The following MAP6 variants were observed in gnomAD, a reference collection of about 807,000 sequenced individuals.
MAP6 encodes microtubule-associated protein 6.
A neutral mutation model predicts 42.4 loss-of-function variants in MAP6; 26 were observed. The ratio of observed to expected loss-of-function variants is 0.61; its 90% CI spans 0.45 to 0.85. MAP6 has a LOEUF of 0.85. Ranked by LOEUF, MAP6 falls within the 40% of genes least tolerant of loss-of-function variation. The probability of loss-of-function intolerance (pLI) is 0.00; values close to 1 mark genes in which losing one functional copy is unlikely to be tolerated. For missense variants in MAP6, 966 were observed against 1,099.0 expected, an observed-to-expected ratio of 0.88 and a Z score of 1.71; for synonymous variants, 418 against 443.8, an observed-to-expected ratio of 0.94 and a Z score of 0.73.
At chr11:75,628,276 G>C (rs529884244) in intron 1 of MAP6, among the ~76,000 whole-genome samples, 1 of 152,216 alleles carries the variant, frequency 6.6e-6, no homozygotes, top group African/African-American at 2.4e-5. Flanking sequence ...AGGATGCTGG[G>C]GGTGAGGAAG....
chr11:75,667,806 C>T lies in MAP6; in HGVS notation c.564G>A (p.Ala188=). 7.6e-7 allele frequency: 1 copy of T among 1,311,824 alleles called. No homozygotes were observed. The highest frequency in any genetic ancestry group is 9.7e-7 in the Non-Finnish European group (1 of 1,029,718). The allele number at this position is 1,311,824 out of a possible 1,614,324, so 81.3% of individuals were successfully genotyped here. The change falls in exon 1 of 4, where the codon GCG becomes GCA. Residue 188 remains alanine (A), a synonymous_variant. Coordinates refer to ENST00000304771, the MANE Select transcript of MAP6 (RefSeq NM_033063.2). This position sits in a 1 kb window ranked among gnomAD's most constrained non-coding sequence, Gnocchi z 5.6. ...VQISAASQAS[A]PILGAPKRRP... ...GGCGCTTGGGCGCCCCGAGAATGGGCGCCGACGCCTGGGAGGCCGCAGAGA... is the reference window on the plus strand; with the variant it reads ...GGCGCTTGGGCGCCCCGAGAATGGGTGCCGACGCCTGGGAGGCCGCAGAGA...
At chr11:75,639,063 CAT>C (rs1943417666) in intron 1 of MAP6, among the ~76,000 whole-genome samples, 1 of 152,216 alleles carries the variant, frequency 6.6e-6, no homozygotes, top group South Asian at 2.1e-4. Flanking sequence ...TCAAATACCA[CAT>C]GTTCTCACTT....
chr11:75,604,774 A>T (rs1942727180), intron 3 of MAP6: 1 of 985,342 alleles, frequency 1.0e-6, no homozygotes, highest in Non-Finnish European at 1.2e-6. Flanking sequence ...TTAGCAGGGC[A>T]GTCTCCTAGT....
At chr11:75,655,589 G>A (rs1005150321) in intron 1 of MAP6, among the ~76,000 whole-genome samples, 4 of 152,240 alleles carry the variant, frequency 2.6e-5, no homozygotes, top group Non-Finnish European at 4.4e-5. Flanking sequence ...TTGCCCTGGA[G>A]GAGAAGGGAA....
intron 1 of MAP6, among the ~76,000 whole-genome samples, chr11:75,645,061 G>A (rs12271835): frequency 0.017 from 2,609 of 152,198 alleles, 78 homozygotes; most frequent in African/African-American, 0.06. Flanking sequence ...AAACCCAAGA[G>A]GGCAGCTGTT....
chr11:75,624,357 C>T (rs1047681566), intron 1 of MAP6, among the ~76,000 whole-genome samples: 3 of 152,280 alleles, frequency 2.0e-5, no homozygotes, highest in Non-Finnish European at 4.4e-5. Context: ...CTCAGGGTGG[C>T]TGCACCACTT....
chr11:75,667,625 G>C lies in MAP6; in HGVS notation c.745C>G (p.Arg249Gly), dbSNP rs1451389725. The change falls in exon 1 of 4, where the codon CGC (arginine) becomes GGC (glycine). Residue 249 changes from arginine (R) to glycine (G), a missense_variant. By Grantham distance (125) the Arg-to-Gly change is moderately radical. Around this residue, in one of 2 missense-constraint regions of MAP6, gnomAD observed 943 missense variants for 1,049.9 expected, o/e 0.90. Coordinates refer to ENST00000304771, the MANE Select transcript of MAP6 (RefSeq NM_033063.2). This position sits in a 1 kb window ranked among gnomAD's most constrained non-coding sequence, Gnocchi z 5.6. ...RRKAGPAWIV[R>G]RAEGLGHEQT... ...TCGTGCCCCAGGCCCTCGGCGCGGCGCACAATCCAGGCAGGCCCGGCCTTC... is the reference window on the plus strand; with the variant it reads ...TCGTGCCCCAGGCCCTCGGCGCGGCCCACAATCCAGGCAGGCCCGGCCTTC... 7.7e-7 allele frequency: 1 copy of C among 1,293,236 alleles called. No individual in the cohort carries two copies. The highest frequency in any genetic ancestry group is 2.5e-5 in the South Asian group (1 of 39,444). 80.1% of individuals were successfully genotyped at this position (1,293,236 alleles called of 1,614,324 possible).
At chr11:75,633,223 A>G (rs930377598) in intron 1 of MAP6, among the ~76,000 whole-genome samples, 2 of 152,138 alleles carry the variant, frequency 1.3e-5, no homozygotes, top group Non-Finnish European at 2.9e-5. Flanking sequence ...CATAAATCCC[A>G]ATCCCACAGG....
rs1444157117 is a variant in MAP6, at chr11:75,668,182, CGCGCCGAGGGGGGCGCGA to C, written c.170_187del (p.Leu57_Ala62del). The stretch of plus-strand genomic sequence containing the variant: ...TGGCTGCGTCTCTATGGCAACCGCG[CGCGCCGAGGGGGGCGCGA>C]GCGCCGGCTGCGCCTGCTGCTGCGG... On this transcript the variant is annotated inframe_deletion, in exon 1 of 4. Transcript: ENST00000304771. 1.1e-5 allele frequency: 13 copies of C among 1,235,182 alleles called. No individual in the cohort carries two copies. Among genetic ancestry groups the C allele is most frequent in the Non-Finnish European group, 1.3e-5 (13 of 996,114 alleles). The allele number at this position is 1,235,182 out of a possible 1,614,324, so 76.5% of individuals were successfully genotyped here.
intron 1 of MAP6, among the ~76,000 whole-genome samples, chr11:75,658,824 C>T (rs777990243): frequency 3.9e-5 from 6 of 152,150 alleles, no homozygotes; most frequent in South Asian, 2.1e-4. Context: ...TCCCATTTAC[C>T]GCCAACTCAT....
intron 1 of MAP6, among the ~76,000 whole-genome samples, chr11:75,663,827 A>G (rs558834801): frequency 5.3e-5 from 8 of 152,324 alleles, no homozygotes; most frequent in African/African-American, 1.9e-4. Context: ...TGTAACCTTC[A>G]TACAAGGCTG....
intron 2 of MAP6, 140 bp downstream of exon 2, chr11:75,607,967 CAG>C (rs935645727): frequency 1.4e-6 from 1 of 727,800 alleles, no homozygotes; most frequent in African/African-American, 1.8e-5. Context: ...CCCTGGGTCT[CAG>C]TGTGCTTTAG....
At chr11:75,606,907 C>A (rs1283816158) in intron 2 of MAP6, among the ~76,000 whole-genome samples, 3 of 152,202 alleles carry the variant, frequency 2.0e-5, no homozygotes, top group African/African-American at 7.2e-5. Context: ...CAATAGGCCA[C>A]CCCCCTCATC....
chr11:75,644,976 G>A (rs376923768), intron 1 of MAP6, among the ~76,000 whole-genome samples: 1 of 152,158 alleles, frequency 6.6e-6, no homozygotes, highest in South Asian at 2.1e-4. Context: ...AAATACCTCT[G>A]GAACTGGTCG....
Position 75,667,289 on chromosome 11 carries a change from G to T in MAP6, c.905+176C>A, listed in dbSNP as rs980712788. Among the ~76,000 whole-genome samples, 2 of 152,212 alleles carry T rather than the reference G, an allele frequency of 1.3e-5. No individual in the cohort carries two copies. The highest frequency in any genetic ancestry group is 4.8e-5 in the African/African-American group (2 of 41,466). On this transcript the variant is annotated intron_variant, in intron 1 of 3. Transcript: ENST00000304771. This position sits in a 1 kb window ranked among gnomAD's most constrained non-coding sequence, Gnocchi z 5.6. ...ATACTAACAGCTTGCGCATGGGACA[G>T]GGCAGAAGAGAAGGCTTCGACAGGA...
chr11:75,604,095 C>T (rs1436311572), intron 3 of MAP6: 3 of 985,756 alleles, frequency 3.0e-6, no homozygotes, highest in Admixed American at 1.2e-4. Flanking sequence ...CATTTTCTAC[C>T]TTCCTTCATA....
chr11:75,620,770 G>C (rs1943093696), intron 1 of MAP6, among the ~76,000 whole-genome samples: 1 of 152,262 alleles, frequency 6.6e-6, no homozygotes, highest in African/African-American at 2.4e-5. Context: ...AATCAATTAG[G>C]ATAATACATC....
At chr11:75,651,143 C>G (rs777476007) in intron 1 of MAP6, among the ~76,000 whole-genome samples, 1 of 152,046 alleles carries the variant, frequency 6.6e-6, no homozygotes, top group Non-Finnish European at 1.5e-5. Context: ...TAGTCATATC[C>G]CCAGAGCCTA....
chr11:75,604,127 A>T, intron 3 of MAP6: 1 of 985,890 alleles, frequency 1.0e-6, no homozygotes, highest in African/African-American at 1.7e-5. Context: ...TCACAGTTTT[A>T]AACCCTGAGA....
Sources: gnomAD v4.1 joint callset for allele counts (sites outside exome capture counted in the v4.1 genomes callset) on GRCh38, gnomAD v4.1.1 for gene constraint, gnomAD v4.1.1 regional missense constraint, Gnocchi (gnomAD v3.1) non-coding constraint, MANE v1.5 for transcripts, NCBI Gene and HGNC (gene_info 2026-07-23, HGNC 2026-07-21) for gene names.